CES2: variants seen among roughly 807,000 people sequenced by gnomAD.
CES2 encodes cocaine esterase.
In CES2, 42 loss-of-function variants were observed where a neutral mutation model predicts 52.1. That is an observed-to-expected ratio of 0.81 (90% CI 0.63 to 1.04). The LOEUF is 1.04. Ranked by LOEUF, CES2 falls within the 50% of genes least tolerant of loss-of-function variation. The pLI, the probability that CES2 is intolerant of heterozygous loss-of-function variation, is 0.00. For synonymous variants in CES2, 277 were observed against 289.6 expected (o/e 0.96, Z 0.44); for missense variants, 656 against 724.3 (o/e 0.91, Z 1.08).
rs1597006405 is a variant in CES2 at position 66,939,146 on chromosome 16, C to G, written c.282-71C>G. ...GGAAGGGTCTGAGGGTGGCTGGGAG[C>G]ACCTCTGAACCCAGGGTCTGGTTTT... On this transcript the variant is annotated intron_variant, in intron 2 of 11. Transcript: ENST00000317091. 2.9e-5 allele frequency: 40 copies of G among 1,359,658 alleles called. No homozygotes were observed. In the East Asian group the frequency reaches 9.3e-4, roughly 31 times the overall value. 84.2% of individuals were successfully genotyped at this position (1,359,658 alleles called of 1,614,324 possible). A position where few individuals can be genotyped will look rare whatever the true frequency, so the allele number is the denominator to read the frequency against.
At chr16:66,937,968 C>T in intron 1 of CES2, 69 bp from the exon 2 acceptor site, 1 of 1,280,802 alleles carries the variant, frequency 7.8e-7, no homozygotes, top group Non-Finnish European at 1.1e-6. Flanking sequence ...AAGGAAGCAG[C>T]AATACCAACA....
chr16:66,943,395 A>T lies in CES2; in HGVS notation c.1493+24A>T. The T allele has an allele frequency of 6.2e-7, 1 of 1,613,692 alleles. No homozygotes were observed. The highest frequency in any genetic ancestry group is 1.1e-5 in the South Asian group (1 of 91,064). The stretch of plus-strand genomic sequence containing the variant: ...GGGTGAGACAGCACACCCCTGCCTC[A>T]ACCTCCCCGATTGGGGGACTTGTGC... On this transcript the variant is annotated intron_variant, in intron 11 of 11. Transcript: ENST00000317091. The surrounding 1 kb of genome is among the most constrained non-coding windows in gnomAD (Gnocchi z 4.2).
chr16:66,942,194 G>A lies in CES2; in HGVS notation c.1227G>A (p.Glu409=), dbSNP rs1200673995. The A allele has an allele frequency of 6.2e-7, 1 of 1,613,912 alleles. No individual in the cohort carries two copies. The highest frequency in any genetic ancestry group is 8.5e-7 in the Non-Finnish European group (1 of 1,179,838). The change falls in exon 9 of 12, where the codon GAG becomes GAA. Residue 409 remains glutamate, a synonymous_variant. Coordinates refer to ENST00000317091, the MANE Select transcript of CES2 (RefSeq NM_001365405.1). ...AGACCCTCCAAGCGCAGTTCCAGGA[G>A]ATGATGGCGGACTCCATGTTTGTGA... is the stretch of plus-strand genomic sequence containing the variant. The part of the protein sequence containing the change: ...DPQTLQAQFQ[E]MMADSMFVIP...
rs151081443 is a variant in CES2, at chr16:66,935,639, C to T, written c.4C>T (p.Arg2Trp). ...AACCGAGACCAGCGAGCCGACCATG[C>T]GGCTGCACAGACTTCGTGCGCGGCT... M[R>W]LHRLRARLSA... The change falls in exon 1 of 12, where the codon CGG becomes TGG. Residue 2 changes from arginine (R) to tryptophan (W), a missense_variant. Coordinates refer to ENST00000317091, the MANE Select transcript of CES2 (RefSeq NM_001365405.1). The T allele has an allele frequency of 2.5e-6, 4 of 1,606,160 alleles. No homozygotes were observed. Among genetic ancestry groups the T allele is most frequent in the Non-Finnish European group, 1.7e-6 (2 of 1,179,890 alleles).
Position 66,940,627 on chromosome 16 carries a change from G to A in CES2, c.748G>A (p.Ala250Thr). ...CATATCCCAAGGACTCTTCCACGGA[G>A]CCATCATGGAGAGTGGCGTGGCCCT... is the stretch of plus-strand genomic sequence containing the variant. ...SPISQGLFHG[A>T]IMESGVALLP... The change falls in exon 5 of 12, where the codon GCC (alanine) becomes ACC (threonine). Residue 250 changes from alanine (A) to threonine (T), a missense_variant. By Grantham distance (58) the Ala-to-Thr change is moderately conservative (BLOSUM62 0). Transcript: ENST00000317091. The A allele has an allele frequency of 6.2e-7, 1 of 1,614,262 alleles. No homozygotes were observed. The highest frequency in any genetic ancestry group is 8.5e-7 in the Non-Finnish European group (1 of 1,180,036).
At chr16:66,937,616 C>T (rs1399477124) in intron 1 of CES2, among the ~76,000 whole-genome samples, 1 of 152,174 alleles carries the variant, frequency 6.6e-6, no homozygotes, top group Non-Finnish European at 1.5e-5. Context: ...CTCTTTTCAC[C>T]AACATCACTC....
At chr16:66,939,840 T>A (rs1038429754) in intron 3 of CES2, among the ~76,000 whole-genome samples, 1 of 152,258 alleles carries the variant, frequency 6.6e-6, no homozygotes, top group African/African-American at 2.4e-5. Context: ...TAGCTGGGAC[T>A]ACTGGCCTAT....
chr16:66,936,277 A>G (rs1340151708), intron 1 of CES2, among the ~76,000 whole-genome samples: 1 of 152,144 alleles, frequency 6.6e-6, no homozygotes, highest in Non-Finnish European at 1.5e-5. Flanking sequence ...TAATCCCACC[A>G]CTTTAGAAGG....
Position 66,941,852 on chromosome 16 carries a change from A to G in CES2, c.1137+4A>G, listed in dbSNP as rs1191082159. The G allele has an allele frequency of 6.2e-7, 1 of 1,613,998 alleles. No individual in the cohort carries two copies. Among genetic ancestry groups the G allele is most frequent in the African/African-American group, 1.3e-5 (1 of 74,916 alleles). ...GCAGAAAATGTTAACGCTGCTGGTA[A>G]GGCTCCTGGGGTCCCTCGCCAATGG... On this transcript the variant is annotated splice_donor_region_variant and intron_variant, in intron 8 of 11. Coordinates refer to ENST00000317091, the MANE Select transcript of CES2 (RefSeq NM_001365405.1).
chr16:66,939,924 C>T (rs1383799348), intron 3 of CES2, among the ~76,000 whole-genome samples: 1 of 152,160 alleles, frequency 6.6e-6, no homozygotes, highest in Non-Finnish European at 1.5e-5. Context: ...AGGCTAAGGA[C>T]ATTTTTGGTT....
At position 66,943,600 on chromosome 16, in the gene CES2, A is replaced by G; in HGVS notation, c.1493+229A>G. 1.7e-6 allele frequency: 1 copy of G among 582,032 alleles called. No individual in the cohort carries two copies. The highest frequency in any genetic ancestry group is 1.9e-5 in the African/African-American group (1 of 53,608). 36.1% of individuals were successfully genotyped at this position (582,032 alleles called of 1,614,324 possible). A position where few individuals can be genotyped will look rare whatever the true frequency, so the allele number is the denominator to read the frequency against. On this transcript the variant is annotated intron_variant, in intron 11 of 11. Transcript: ENST00000317091. This position sits in a 1 kb window ranked among gnomAD's most constrained non-coding sequence, Gnocchi z 4.2. ...TGGGCGCCAGTGCTGTGCCACCGTC[A>G]GGGCCTCCCTCTCAGAGAGAGGGAC...
In CES2 at chr16:66,943,941, C is replaced by A. The variant is rs777532414; in HGVS notation, c.1596C>A (p.Ala532=). The part of the protein sequence containing the change: ...LQPAVGRALK[A]HRLQFWKKAL... ...CTGCGGTGGGCCGGGCTCTGAAGGC[C>A]CACAGGCTCCAGTTCTGGAAGAAGG... Residue 532 remains alanine (A), a synonymous_variant, in exon 12 of 12, where the codon GCC becomes GCA. Coordinates refer to ENST00000317091, the MANE Select transcript of CES2 (RefSeq NM_001365405.1). This position sits in a 1 kb window ranked among gnomAD's most constrained non-coding sequence, Gnocchi z 4.2. The A allele has an allele frequency of 6.2e-7, 1 of 1,609,638 alleles. No individual in the cohort carries two copies. The highest frequency in any genetic ancestry group is 1.1e-5 in the South Asian group (1 of 90,588).
chr16:66,935,931 C>T, intron 1 of CES2: 1 of 1,433,298 alleles, frequency 7.0e-7, no homozygotes, highest in South Asian at 1.5e-5. Context: ...GGCAAGGAAC[C>T]AGCGGAGTAC....
Position 66,943,296 on chromosome 16 carries a change from C to A in CES2, c.1421-3C>A, listed in dbSNP as rs1485233754. 1 of 1,613,828 alleles carries A rather than the reference C, an allele frequency of 6.2e-7. No homozygotes were observed. The highest frequency in any genetic ancestry group is 8.5e-7 in the Non-Finnish European group (1 of 1,179,912). On this transcript the variant is annotated splice_region_variant and splice_polypyrimidine_tract_variant and intron_variant, in intron 10 of 11. Coordinates refer to ENST00000317091, the MANE Select transcript of CES2 (RefSeq NM_001365405.1). This position sits in a 1 kb window ranked among gnomAD's most constrained non-coding sequence, Gnocchi z 4.2. ...AAGACACATGTCCTCTTCCTCTTGGCAGTTAAATTCACTGAGGAAGAGGAG... is the reference window on the plus strand; with the variant it reads ...AAGACACATGTCCTCTTCCTCTTGGAAGTTAAATTCACTGAGGAAGAGGAG...
At position 66,943,976 on chromosome 16, in the gene CES2, A is replaced by C. The variant is rs1963428040; in HGVS notation, c.1631A>C (p.Gln544Pro). The stretch of plus-strand genomic sequence containing the variant: ...CAGTTCTGGAAGAAGGCGCTGCCCC[A>C]AAAGATCCAGGAGCTCGAGGAGCCT... ...RLQFWKKALP[Q>P]KIQELEEPEE... Residue 544 changes from glutamine (Q) to proline (P), a missense_variant, in exon 12 of 12, where the codon CAA becomes CCA. Gln to Pro is a moderately conservative substitution (Grantham distance 76). Coordinates refer to ENST00000317091, the MANE Select transcript of CES2 (RefSeq NM_001365405.1). The surrounding 1 kb of genome is among the most constrained non-coding windows in gnomAD (Gnocchi z 4.2). The C allele has an allele frequency of 6.3e-7, 1 of 1,597,372 alleles. No homozygotes were observed.
intron 2 of CES2, 165 bp downstream of exon 2, chr16:66,938,406 G>A (rs911282928): frequency 3.3e-6 from 2 of 614,202 alleles, no homozygotes; most frequent in Non-Finnish European, 2.9e-6. Flanking sequence ...GCATGCTGAG[G>A]CTCAGGAGGG....
upstream of CES2, chr16:66,935,503 C>T (rs1260317311): frequency 6.2e-7 from 1 of 1,614,022 alleles, no homozygotes; most frequent in Admixed American, 1.7e-5. Flanking sequence ...GCCAGCGCAC[C>T]CCGCTGACTC....
intron 1 of CES2, chr16:66,935,974 C>T (rs1309082378): frequency 8.6e-6 from 12 of 1,397,570 alleles, no homozygotes; most frequent in East Asian, 2.7e-5. Context: ...CATGCCAGGC[C>T]GGGTAGGCAG....
chr16:66,934,646 G>A, upstream of CES2: 1 of 455,016 alleles, frequency 2.2e-6, no homozygotes, highest in East Asian at 3.8e-5. This position sits in a 1 kb window ranked among gnomAD's most constrained non-coding sequence, Gnocchi z 4.1. Context: ...CCAGAACCAG[G>A]TCTCAGGGGG....
Sources: allele counts gnomAD v4.1 joint callset (sites outside exome capture counted in the v4.1 genomes callset), GRCh38; gene constraint gnomAD v4.1.1; non-coding constraint Gnocchi (gnomAD v3.1); transcripts MANE v1.5; gene names NCBI Gene and HGNC (gene_info 2026-07-23, HGNC 2026-07-21).